Variants in BRCA1 observed in about 807,000 individuals in gnomAD.
BRCA1 encodes the protein breast cancer type 1 susceptibility protein.
BRCA1 carries 140 observed loss-of-function variants against 173.7 expected under a neutral mutation model. That is an observed-to-expected ratio of 0.81 (90% CI 0.70 to 0.93). The LOEUF (loss-of-function observed/expected upper bound fraction) is 0.93. BRCA1 is among the 40% of genes least tolerant of loss of function. The pLI, the probability that BRCA1 is intolerant of heterozygous loss-of-function variation, is 0.00. For missense variants in BRCA1, 1,983 were observed against 2,172.5 expected (o/e 0.91, Z 1.73); for synonymous variants, 662 against 756.0 (o/e 0.88, Z 2.04).
chr17:43,066,049 G>C (rs951772569), intron 16 of BRCA1, among the ~76,000 whole-genome samples: 1 of 152,092 alleles, frequency 6.6e-6, no homozygotes, highest in African/African-American at 2.4e-5. Flanking sequence ...CATCTTTCAG[G>C]CAATCACTCC....
intron 1 of BRCA1, among the ~76,000 whole-genome samples, chr17:43,147,681 G>C (rs1597939748): frequency 6.6e-6 from 1 of 152,144 alleles, no homozygotes; most frequent in Admixed American, 6.5e-5. Context: ...AGATGAGAAA[G>C]TACTGTTTGC....
intron 11 of BRCA1, among the ~76,000 whole-genome samples, chr17:43,085,284 C>T (rs750116574): frequency 1.3e-5 from 2 of 152,046 alleles, no homozygotes; most frequent in Admixed American, 6.6e-5. Flanking sequence ...TCACTTGAAC[C>T]CAGGTGGCGG....
rs189224420 is a variant in BRCA1, at chr17:43,157,282, A to G, written c.-20+12844T>C. On this transcript the variant is annotated intron_variant, in intron 1 of 7. Transcript: ENST00000634433. ...ACAAATAACACTGTTTCCAGTCATG[A>G]TCAGGAATCACATATTAAGACATAA... Among the ~76,000 whole-genome samples, 315 of 152,374 alleles carry G rather than the reference A, an allele frequency of 2.1e-3. 1 individual carries two copies. Among genetic ancestry groups the G allele is most frequent in the African/African-American group, 7.2e-3 (301 of 41,588 alleles).
chr17:43,063,822 A>G (rs2051901075), intron 17 of BRCA1, 52 bp downstream of exon 17: 1 of 1,483,198 alleles, frequency 6.7e-7, no homozygotes, highest in South Asian at 1.1e-5. Context: ...AGGTGTAAAA[A>G]TGCAATTCTG....
intron 1 of BRCA1, chr17:43,162,855 C>T (rs148005922): frequency 6.6e-6 from 1 of 152,186 alleles, no homozygotes; most frequent in Non-Finnish European, 1.5e-5. Flanking sequence ...CGTCCACGTA[C>T]CCCTCACAGT....
chr17:43,145,046 A>G, intron 1 of BRCA1: 1 of 798,348 alleles, frequency 1.3e-6, no homozygotes, highest in Non-Finnish European at 2.2e-6. Flanking sequence ...ACCTCCTGCA[A>G]AAGTGGAAGC....
In BRCA1 at chr17:43,094,578, T is replaced by C. The variant is rs776278453; in HGVS notation, c.953A>G (p.His318Arg). 3.7e-6 allele frequency: 6 copies of C among 1,614,212 alleles called. No homozygotes were observed. In the South Asian group the frequency reaches 5.5e-5, roughly 15 times the overall value. Reference protein sequence around the residue: ...SKQPGLARSQHNRWAGSKETC... With the variant: ...SKQPGLARSQRNRWAGSKETC... ...TTCCTTACTTCCAGCCCATCTGTTA[T>C]GTTGGCTCCTTGCTAAGCCAGGCTG... The change falls in exon 10 of 23, where the codon CAT becomes CGT. Residue 318 changes from histidine to arginine, a missense_variant. Transcript: ENST00000357654.
At chr17:43,166,617 C>G (rs2154581768) in intron 1 of BRCA1, 1 of 152,252 alleles carries the variant, frequency 6.6e-6, no homozygotes, top group East Asian at 1.9e-4. Flanking sequence ...TTCTTCAAGA[C>G]AAAACACCAC....
chr17:43,082,414 T>G lies in BRCA1; in HGVS notation c.4347A>C (p.Thr1449=). ...LEDLRNPEQS[T]SEKAVLTSQK... is the part of the protein sequence containing the mutation. ...GCCAACAATACACACCTTTTTCTGA[T>G]GTGCTTTGTTCTGGATTTCGCAGGT... The change falls in exon 12 of 23, where the codon ACA becomes ACC. Residue 1449 remains threonine, a synonymous_variant. Coordinates refer to ENST00000357654, the MANE Select transcript of BRCA1 (RefSeq NM_007294.4). The G allele has an allele frequency of 6.2e-7, 1 of 1,614,020 alleles. No homozygotes were observed. The highest frequency in any genetic ancestry group is 8.5e-7 in the Non-Finnish European group (1 of 1,179,926).
intron 1 of BRCA1, among the ~76,000 whole-genome samples, chr17:43,134,534 C>G (rs1172860561): frequency 3.9e-5 from 6 of 152,190 alleles, no homozygotes; most frequent in Admixed American, 6.5e-5. Context: ...AAGGATCATG[C>G]TGTGGCAGTT....
At chr17:43,050,242 G>C (rs1002157742) in intron 20 of BRCA1, 1 of 396,370 alleles carries the variant, frequency 2.5e-6, no homozygotes, top group Non-Finnish European at 4.4e-6. Context: ...TTTGTGCTGC[G>C]CAACTCCAGA....
rs1048869090 is a variant in BRCA1, at chr17:43,076,388, C to CA, written c.4484+99dup. 4 of 1,455,500 alleles carry CA rather than the reference C, an allele frequency of 2.7e-6. No homozygotes were observed. In the Admixed American group the frequency reaches 6.8e-5, roughly 25 times the overall value. The allele number at this position is 1,455,500 out of a possible 1,614,324, so 90.2% of individuals were successfully genotyped here. ...ATAAAAGTGTATAAATGCCTGTATG[C>CA]AAAAAACTGGAGAAAGTATGGTGAA... On this transcript the variant is annotated intron_variant, in intron 13 of 22. Coordinates refer to ENST00000357654, the MANE Select transcript of BRCA1 (RefSeq NM_007294.4).
chr17:43,096,442 T>C lies in BRCA1; in HGVS notation c.594-520A>G, dbSNP rs561011887. Among the ~76,000 whole-genome samples, 5 of 149,598 alleles carry C rather than the reference T, an allele frequency of 3.3e-5. No individual in the cohort carries two copies. In the South Asian group the frequency reaches 8.6e-4, roughly 26 times the overall value. On this transcript the variant is annotated intron_variant, in intron 8 of 22. Coordinates refer to ENST00000357654, the MANE Select transcript of BRCA1 (RefSeq NM_007294.4). ...GGTCAATTAACCGGGCGTGGTGGTGTATACCTGTAGTCCCAGCTACTCGTG... is the reference window on the plus strand; with the variant it reads ...GGTCAATTAACCGGGCGTGGTGGTGCATACCTGTAGTCCCAGCTACTCGTG...
At chr17:43,069,647 A>G (rs2052298263) in intron 15 of BRCA1, among the ~76,000 whole-genome samples, 2 of 152,202 alleles carry the variant, frequency 1.3e-5, no homozygotes, top group African/African-American at 4.8e-5. Context: ...TTATGAGATG[A>G]AAACATTTAT....
At position 43,109,217 on chromosome 17, in the gene BRCA1, G is replaced by A. The variant is rs568599423; in HGVS notation, c.135-2684C>T. ...TCACTATATTGCCCAGTCTGGTCTC[G>A]AACTCCTGACCTCAAGTGATCCTCC... On this transcript the variant is annotated intron_variant, in intron 3 of 22. Coordinates refer to ENST00000357654, the MANE Select transcript of BRCA1 (RefSeq NM_007294.4). 7.3e-4 allele frequency among the ~76,000 whole-genome samples: 111 copies of A among 151,986 alleles called. 1 individual carries two copies. The highest frequency in any genetic ancestry group is 4.8e-3 in the East Asian group (25 of 5,168).
chr17:43,144,699 T>C (rs946622430), intron 1 of BRCA1: 2 of 226,774 alleles, frequency 8.8e-6, no homozygotes, highest in Non-Finnish European at 1.8e-5. Flanking sequence ...GAATTAGTTA[T>C]ATATATTCTT....
chr17:43,127,129 T>G (rs931593743), upstream of BRCA1, among the ~76,000 whole-genome samples: 1 of 152,214 alleles, frequency 6.6e-6, no homozygotes, highest in Non-Finnish European at 1.5e-5. Context: ...CAGCGTGGCC[T>G]GAGCCTCCCC....
rs1425065873 is a variant in BRCA1 at position 43,097,222 on chromosome 17, A to G, written c.593+22T>C. ...AAATAGGAAAATACCAGCTTCATAG[A>G]CAAAGGTTCTCTTTGACTCACCTGC... On this transcript the variant is annotated intron_variant, in intron 8 of 22. Transcript: ENST00000357654. 1.2e-6 allele frequency: 2 copies of G among 1,608,466 alleles called. No homozygotes were observed. The highest frequency in any genetic ancestry group is 3.3e-4 in the Middle Eastern group (2 of 6,058).
In BRCA1 at chr17:43,092,550, C is replaced by A. The variant is rs1238452758; in HGVS notation, c.2981G>T (p.Cys994Phe). ...FPIKSFVKTKCKKNLLEENFE... is the reference protein window; with the variant it reads ...FPIKSFVKTKFKKNLLEENFE... The stretch of plus-strand genomic sequence containing the variant: ...GTTTTCCTCTAGCAGATTTTTCTTA[C>A]ATTTAGTTTTAACAAATGACTTGAT... Residue 994 changes from cysteine to phenylalanine, a missense_variant, in exon 10 of 23, where the codon TGT becomes TTT. Physicochemically the swap from Cys to Phe is radical, Grantham distance 205 (BLOSUM62 -2). Transcript: ENST00000357654. 6.2e-7 allele frequency: 1 copy of A among 1,613,998 alleles called. No homozygotes were observed. Among genetic ancestry groups the A allele is most frequent in the Non-Finnish European group, 8.5e-7 (1 of 1,179,972 alleles).
Sources: gnomAD v4.1 joint callset for allele counts (sites outside exome capture counted in the v4.1 genomes callset) on GRCh38, gnomAD v4.1.1 for gene constraint, MANE v1.5 for transcripts, NCBI Gene and HGNC (gene_info 2026-07-23, HGNC 2026-07-21) for gene names.